ELP3: variants seen among roughly 807,000 people sequenced by gnomAD.
ELP3 encodes elongator complex protein 3.
Under a neutral mutation model 74.9 loss-of-function variants are expected in ELP3, and 56 were observed. The ratio of observed to expected loss-of-function variants is 0.75; its 90% CI spans 0.60 to 0.93. The LOEUF is 0.93. ELP3 is among the 40% of genes least tolerant of loss of function. ELP3 has a pLI of 0.00. For missense variants in ELP3, 573 were observed against 686.5 expected (o/e 0.83, Z 1.85); for synonymous variants, 222 against 239.8 (o/e 0.93, Z 0.68).
chr8:28,185,355 A>G (rs907266058), intron 14 of ELP3, among the ~76,000 whole-genome samples: 1 of 152,126 alleles, frequency 6.6e-6, no homozygotes, highest in Non-Finnish European at 1.5e-5. Flanking sequence ...TTTTTCAAAT[A>G]CATCCTCCAG....
At chr8:28,162,415 A>G (rs949588525) in intron 14 of ELP3, among the ~76,000 whole-genome samples, 2 of 152,156 alleles carry the variant, frequency 1.3e-5, no homozygotes, top group African/African-American at 4.8e-5. Context: ...GAAAAACATG[A>G]GTGTTTCTCA....
intron 9 of ELP3, among the ~76,000 whole-genome samples, chr8:28,137,358 A>T (rs1396329035): frequency 2.0e-5 from 3 of 152,160 alleles, no homozygotes; most frequent in Non-Finnish European, 4.4e-5. Context: ...AAACCTGAAG[A>T]TTAGCTAGAT....
At chr8:28,178,220 T>G (rs1435516697) in intron 14 of ELP3, among the ~76,000 whole-genome samples, 1 of 152,172 alleles carries the variant, frequency 6.6e-6, no homozygotes, top group African/African-American at 2.4e-5. Context: ...CCCAAAGACC[T>G]TACCTCTTAA....
intron 7 of ELP3, among the ~76,000 whole-genome samples, chr8:28,120,945 G>A (rs184905462): frequency 6.6e-6 from 1 of 152,244 alleles, no homozygotes; most frequent in East Asian, 1.9e-4. Flanking sequence ...GCTTTTTAGT[G>A]TATCTTGAAG....
upstream of ELP3, among the ~76,000 whole-genome samples, chr8:28,091,139 CT>C (rs1342067792): frequency 6.6e-6 from 1 of 152,020 alleles, no homozygotes; most frequent in Non-Finnish European, 1.5e-5. Flanking sequence ...ATCTCCTGAC[CT>C]TGTGATCCGC....
At chr8:28,128,674 C>G (rs549143624) in intron 7 of ELP3, among the ~76,000 whole-genome samples, 1 of 152,288 alleles carries the variant, frequency 6.6e-6, no homozygotes, top group East Asian at 1.9e-4. Context: ...AGTTTCATCA[C>G]TTGTGAAATG....
intron 14 of ELP3, among the ~76,000 whole-genome samples, chr8:28,181,966 TG>T (rs56725305): frequency 0.47 from 71,890 of 152,032 alleles, 17,770 homozygotes; most frequent in Middle Eastern, 0.6. Flanking sequence ...TTTCTTTGTT[TG>T]TTTGTTTGTT....
intron 14 of ELP3, among the ~76,000 whole-genome samples, chr8:28,180,303 A>G (rs760363563): frequency 1.3e-5 from 2 of 152,096 alleles, no homozygotes; most frequent in Non-Finnish European, 2.9e-5. Flanking sequence ...TGTGTCTAAT[A>G]CCCTCTTCCC....
chr8:28,120,054 G>C (rs888879101), intron 7 of ELP3, among the ~76,000 whole-genome samples: 3 of 152,134 alleles, frequency 2.0e-5, no homozygotes, highest in Admixed American at 1.3e-4. Context: ...AAACTTCAGC[G>C]TACGTTCTTG....
At chr8:28,100,005 A>C in intron 3 of ELP3, 39 bp downstream of exon 3, 1 of 1,613,464 alleles carries the variant, frequency 6.2e-7, no homozygotes. Context: ...CACACTGGGT[A>C]TCTGTTCTGG....
In ELP3 at chr8:28,106,397, G is replaced by A. The variant is rs371732531; in HGVS notation, c.259-316G>A. On this transcript the variant is annotated intron_variant, in intron 3 of 14. Coordinates refer to ENST00000256398, the MANE Select transcript of ELP3 (RefSeq NM_018091.6). ...CTACTAAAAATACAAAAAATTAGCC[G>A]GGCGTAGTGGCGGGCGCCTGTAGTC... Among the ~76,000 whole-genome samples the A allele has an allele frequency of 2.9e-3, 446 of 151,664 alleles. 1 individual carries two copies. The highest frequency in any genetic ancestry group is 9.8e-3 in the African/African-American group (405 of 41,412).
At chr8:28,145,109 C>G (rs542344232) in intron 10 of ELP3, among the ~76,000 whole-genome samples, 12 of 152,182 alleles carry the variant, frequency 7.9e-5, no homozygotes, top group Admixed American at 3.3e-4. Flanking sequence ...TAAAAGTGCT[C>G]AGAAAAATGT....
At chr8:28,135,614 A>T (rs1273330272) in intron 9 of ELP3, among the ~76,000 whole-genome samples, 1 of 152,194 alleles carries the variant, frequency 6.6e-6, no homozygotes, top group Non-Finnish European at 1.5e-5. Context: ...TCCAGGGACT[A>T]AATGTTCTCA....
At chr8:28,106,600 C>G (rs1811705399) in intron 3 of ELP3, 113 bp from the exon 4 acceptor site, 2 of 686,224 alleles carry the variant, frequency 2.9e-6, no homozygotes, top group Non-Finnish European at 4.9e-6. Context: ...TTTGAAGCCC[C>G]TTTTTGCCAC....
rs1247380774 is a variant in ELP3 at position 28,113,169 on chromosome 8, G to C, written c.613G>C (p.Val205Leu). 12 of 1,612,268 alleles carry C rather than the reference G, an allele frequency of 7.4e-6. No individual in the cohort carries two copies. Among genetic ancestry groups the C allele is most frequent in the Non-Finnish European group, 1.0e-5 (12 of 1,179,202 alleles). ...GHTSNNIYEAVKYSERSLTKC... is the reference protein window; with the variant it reads ...GHTSNNIYEALKYSERSLTKC... ...TACTTCCAACAATATTTACGAGGCA[G>C]TCAAGTAAGAAATTCTTATTTTATC... The change falls in exon 7 of 15, where the codon GTC becomes CTC. Residue 205 changes from valine (V) to leucine (L), a missense_variant. Physicochemically the swap from Val to Leu is conservative, Grantham distance 32. Transcript: ENST00000256398.
At chr8:28,132,426 C>G in intron 9 of ELP3, 22 bp downstream of exon 9, 1 of 1,613,740 alleles carries the variant, frequency 6.2e-7, no homozygotes, top group South Asian at 1.1e-5. Flanking sequence ...TTCAGCCAGG[C>G]GCATTCAGAA....
At chr8:28,156,697 T>C (rs1156283500) in intron 11 of ELP3, among the ~76,000 whole-genome samples, 2 of 152,200 alleles carry the variant, frequency 1.3e-5, no homozygotes, top group African/African-American at 2.4e-5. Flanking sequence ...TCTGGATCAG[T>C]AGATTGGGAT....
chr8:28,108,058 G>A, intron 5 of ELP3, 82 bp downstream of exon 5: 1 of 1,237,712 alleles, frequency 8.1e-7, no homozygotes, highest in Admixed American at 2.3e-5. Context: ...CTGGCTTTCT[G>A]ACAATTTTTT....
At chr8:28,097,035 G>A (rs747024523) in intron 1 of ELP3, among the ~76,000 whole-genome samples, 184 bp from the exon 2 acceptor site, 9 of 152,096 alleles carry the variant, frequency 5.9e-5, no homozygotes, top group Admixed American at 1.3e-4. Context: ...GTAAAGCCAC[G>A]TTTGTTTTAA....
Sources: allele counts gnomAD v4.1 joint callset (sites outside exome capture counted in the v4.1 genomes callset), GRCh38; gene constraint gnomAD v4.1.1; transcripts MANE v1.5; gene names NCBI Gene and HGNC (gene_info 2026-07-23, HGNC 2026-07-21).